Variants in RASEF observed in about 807,000 individuals in gnomAD.
RASEF encodes ras and EF-hand domain-containing protein.
A neutral mutation model predicts 90.1 loss-of-function variants in RASEF; 68 were observed. The ratio of observed to expected loss-of-function variants is 0.75; its 90% CI spans 0.62 to 0.92. The LOEUF is 0.92. RASEF is among the 40% of genes least tolerant of loss of function. The pLI, the probability that RASEF is intolerant of heterozygous loss-of-function variation, is 0.00. For missense variants in RASEF, 949 were observed against 937.2 expected (o/e 1.01, Z -0.16); for synonymous variants, 331 against 345.2 (o/e 0.96, Z 0.46).
At chr9:83,064,483 A>AT (rs1303959442), upstream of RASEF, among the ~76,000 whole-genome samples, 6 of 152,240 alleles carry the variant, frequency 3.9e-5, no homozygotes, top group Admixed American at 2.0e-4. Context: ...ATATGAATTT[A>AT]AAAGTAGCTG....
chr9:83,198,833 TG>T, the RASEF span, among the ~76,000 whole-genome samples: 4,829 of 115,726 alleles, frequency 0.042, 270 homozygotes, highest in African/African-American at 0.14. Context: ...ATAAATAGAA[TG>T]GGGGGGAGGG....
At chr9:83,199,632 T>C in the RASEF span, among the ~76,000 whole-genome samples, 2 of 152,156 alleles carry the variant, frequency 1.3e-5, no homozygotes, top group East Asian at 1.9e-4. Context: ...AAGGACAACA[T>C]CTGTCAGCAA....
rs903559075 is a variant in RASEF, at chr9:83,055,653, A to C, written c.431+6784T>G. 4 of 718,134 alleles carry C rather than the reference A, an allele frequency of 5.6e-6. No individual in the cohort carries two copies. In the Admixed American group the frequency reaches 8.0e-5, roughly 14 times the overall value. 44.5% of individuals were successfully genotyped at this position (718,134 alleles called of 1,614,324 possible). A position where few individuals can be genotyped will look rare whatever the true frequency, so the allele number is the denominator to read the frequency against. On this transcript the variant is annotated intron_variant, in intron 1 of 16. Coordinates refer to ENST00000376447, the MANE Select transcript of RASEF (RefSeq NM_152573.4). ...GTGTTATGAGATGCCTCACGAACAC[A>C]AATGCAGGTTTTGAAATTGTGTAGC...
chr9:83,057,143 C>T (rs986651168), intron 1 of RASEF, among the ~76,000 whole-genome samples: 5 of 152,152 alleles, frequency 3.3e-5, no homozygotes, highest in Non-Finnish European at 5.9e-5. Context: ...CAAGGATGCC[C>T]GCTCTCACCA....
the RASEF span, among the ~76,000 whole-genome samples, chr9:83,185,971 G>T: frequency 4.1e-4 from 1 of 2,452 alleles, no homozygotes; most frequent in East Asian, 0.02. Flanking sequence ...AATGGGTGGC[G>T]GGGGGGGCAA....
chr9:82,996,473 T>C (rs1400327824), intron 14 of RASEF, among the ~76,000 whole-genome samples: 3 of 152,218 alleles, frequency 2.0e-5, no homozygotes, highest in Non-Finnish European at 4.4e-5. Context: ...ACAGAAGCTA[T>C]GCCCATGTTT....
At chr9:83,186,848 CA>C in the RASEF span, among the ~76,000 whole-genome samples, 9 of 151,854 alleles carry the variant, frequency 5.9e-5, no homozygotes, top group African/African-American at 9.7e-5. Context: ...GATGTTTTGA[CA>C]TCTTAAAAAA....
the RASEF span, among the ~76,000 whole-genome samples, chr9:83,200,364 C>A: frequency 1.3e-5 from 2 of 152,046 alleles, no homozygotes; most frequent in Non-Finnish European, 2.9e-5. Flanking sequence ...CCATTGCACT[C>A]CAGCCTGGGC....
the RASEF span, among the ~76,000 whole-genome samples, chr9:83,137,082 T>C: frequency 1.3e-5 from 2 of 152,114 alleles, no homozygotes; most frequent in Non-Finnish European, 2.9e-5. Flanking sequence ...TTATAAAACA[T>C]GATAAAGTAG....
At chr9:83,080,366 A>T in the RASEF span, among the ~76,000 whole-genome samples, 1 of 152,260 alleles carries the variant, frequency 6.6e-6, no homozygotes, top group African/African-American at 2.4e-5. Flanking sequence ...CTGTGCCAAC[A>T]TCAAAGGCAA....
chr9:83,165,369 A>C, the RASEF span, among the ~76,000 whole-genome samples: 1 of 152,130 alleles, frequency 6.6e-6, no homozygotes, highest in Middle Eastern at 3.2e-3. Context: ...AGGAAATCCC[A>C]AGTCTCAGAG....
chr9:83,139,231 C>T, the RASEF span, among the ~76,000 whole-genome samples: 3 of 152,156 alleles, frequency 2.0e-5, no homozygotes, highest in African/African-American at 7.2e-5. Context: ...AAGCACTGTA[C>T]ATAAAAATTT....
the RASEF span, among the ~76,000 whole-genome samples, chr9:83,165,563 T>C: frequency 6.6e-6 from 1 of 152,028 alleles, no homozygotes; most frequent in Admixed American, 6.6e-5. Context: ...AAATCTAAAA[T>C]CAATTATCTA....
At chr9:82,994,854 G>A (rs945831440) in intron 14 of RASEF, among the ~76,000 whole-genome samples, 1 of 151,528 alleles carries the variant, frequency 6.6e-6, no homozygotes, top group Non-Finnish European at 1.5e-5. Context: ...TAATTCAGAG[G>A]GTCTGTTCAC....
the RASEF span, among the ~76,000 whole-genome samples, chr9:83,137,978 G>C: frequency 3.3e-5 from 5 of 151,712 alleles, no homozygotes; most frequent in South Asian, 1.0e-3. Flanking sequence ...CCCTCAGAAG[G>C]AGCTAATCTA....
chr9:83,135,247 A>G, the RASEF span, among the ~76,000 whole-genome samples: 1 of 152,126 alleles, frequency 6.6e-6, no homozygotes, highest in Non-Finnish European at 1.5e-5. Flanking sequence ...TATCTCAAAG[A>G]CAAAAAACCA....
chr9:83,153,444 G>A, the RASEF span, among the ~76,000 whole-genome samples: 885 of 152,270 alleles, frequency 5.8e-3, 8 homozygotes, highest in African/African-American at 0.02. Flanking sequence ...CTAAAAAATT[G>A]TCGCTGAGTT....
the RASEF span, among the ~76,000 whole-genome samples, chr9:83,106,807 T>G: frequency 6.6e-6 from 1 of 152,240 alleles, no homozygotes; most frequent in East Asian, 1.9e-4. Flanking sequence ...ATTATCTGCT[T>G]TACTGTCACT....
chr9:82,997,106 G>C lies in RASEF; in HGVS notation c.1826C>G (p.Ser609Cys). 6.2e-7 allele frequency: 1 copy of C among 1,610,158 alleles called. No individual in the cohort carries two copies. Reference protein sequence around the residue: ...GQERFRSIAKSYFRKADGVLL... With the variant: ...GQERFRSIAKCYFRKADGVLL... ...AACACCATCTGCCTTTCTGAAGTAAGACTTGGCAATACTTCTGAATCTGAG... is the reference window on the plus strand; with the variant it reads ...AACACCATCTGCCTTTCTGAAGTAACACTTGGCAATACTTCTGAATCTGAG... Residue 609 changes from serine (S) to cysteine (C), a missense_variant, in exon 14 of 17, where the codon TCT becomes TGT. Ser to Cys is a moderately radical substitution (Grantham distance 112). Around this residue, in one of 3 missense-constraint regions of RASEF, gnomAD observed 288 missense variants for 328.4 expected, o/e 0.88. Transcript: ENST00000376447.
Sources: allele counts gnomAD v4.1 joint callset (sites outside exome capture counted in the v4.1 genomes callset), GRCh38; gene constraint gnomAD v4.1.1; regional missense constraint gnomAD v4.1.1; transcripts MANE v1.5; gene names NCBI Gene and HGNC (gene_info 2026-07-23, HGNC 2026-07-21).